Variants in ALK observed in about 807,000 individuals in gnomAD.
ALK encodes the protein ALK receptor tyrosine kinase.
ALK carries 74 observed loss-of-function variants against 163.1 expected under a neutral mutation model. The ratio of observed to expected loss-of-function variants is 0.45; its 90% CI spans 0.38 to 0.55. ALK has a LOEUF of 0.55. Ranked by LOEUF, ALK falls within the 20% of genes least tolerant of loss-of-function variation. The pLI, the probability that ALK is intolerant of heterozygous loss-of-function variation, is 0.00. For synonymous variants in ALK, 960 were observed against 843.2 expected (o/e 1.14, Z -2.40); for missense variants, 2,063 against 2,105.3 (o/e 0.98, Z 0.39).
intron 4 of ALK, among the ~76,000 whole-genome samples, chr2:29,503,008 G>T (rs980086063): frequency 6.6e-6 from 1 of 152,164 alleles, no homozygotes; most frequent in Non-Finnish European, 1.5e-5. Context: ...TGCAGGGTGG[G>T]CAACTAACTA....
At position 29,404,290 on chromosome 2, in the gene ALK, G is replaced by A. The variant is rs185675025; in HGVS notation, c.1155-20431C>T. 2.9e-4 allele frequency among the ~76,000 whole-genome samples: 39 copies of A among 135,578 alleles called. No individual in the cohort carries two copies. The East Asian group carries it at 7.0e-3, about 24-fold the overall frequency. 88.9% of individuals were successfully genotyped at this position (135,578 alleles called of 152,430 possible). ...CTGAACTCCAGCCTGCGTGACCCAC[G>A]GAGCAAGACTCCGTCTCAAAAAAAA... On this transcript the variant is annotated intron_variant, in intron 4 of 28. Coordinates refer to ENST00000389048, the MANE Select transcript of ALK (RefSeq NM_004304.5).
chr2:29,892,181 G>A (rs989968481), intron 1 of ALK: 2 of 152,142 alleles, frequency 1.3e-5, no homozygotes, highest in Non-Finnish European at 2.9e-5. Context: ...GGGCAATGTG[G>A]CAGTTTCAAG....
At chr2:29,277,061 G>A (rs368281669) in intron 9 of ALK, among the ~76,000 whole-genome samples, 10 of 152,322 alleles carry the variant, frequency 6.6e-5, no homozygotes, top group African/African-American at 2.4e-4. Flanking sequence ...CAGGGCATTG[G>A]CCACATAGGG....
At chr2:29,408,913 G>A (rs1669659993) in intron 4 of ALK, among the ~76,000 whole-genome samples, 1 of 152,144 alleles carries the variant, frequency 6.6e-6, no homozygotes, top group South Asian at 2.1e-4. Context: ...ATTTTTCCTT[G>A]GAATGCAATT....
chr2:29,644,242 C>T (rs981991791), intron 3 of ALK, among the ~76,000 whole-genome samples: 6 of 107,422 alleles, frequency 5.6e-5, no homozygotes, highest in African/African-American at 2.3e-4. Flanking sequence ...ACACTGGGGC[C>T]TGTTGCGGGG....
chr2:29,776,515 T>C (rs944019969), intron 1 of ALK, among the ~76,000 whole-genome samples: 1 of 152,214 alleles, frequency 6.6e-6, no homozygotes, highest in Non-Finnish European at 1.5e-5. Flanking sequence ...AATTTGTCCC[T>C]CTCGCTCATG....
intron 1 of ALK, among the ~76,000 whole-genome samples, chr2:29,758,005 CTTTTT>C (rs1213067837): frequency 9.5e-6 from 1 of 104,970 alleles, no homozygotes; most frequent in Non-Finnish European, 1.8e-5. Flanking sequence ...CCCGCATCCT[CTTTTT>C]TTTTTTTTTT....
At chr2:29,414,177 T>C (rs541227195) in intron 4 of ALK, among the ~76,000 whole-genome samples, 1 of 152,344 alleles carries the variant, frequency 6.6e-6, no homozygotes, top group Admixed American at 6.5e-5. Flanking sequence ...CAATGGTTGA[T>C]AGGTGGTCTG....
chr2:29,473,360 G>A (rs143448211), intron 4 of ALK, among the ~76,000 whole-genome samples: 1 of 152,228 alleles, frequency 6.6e-6, no homozygotes, highest in East Asian at 1.9e-4. Context: ...AAAGTTTCTA[G>A]AAGATGACAT....
intron 1 of ALK, among the ~76,000 whole-genome samples, chr2:29,746,743 C>T (rs1253867740): frequency 6.6e-6 from 1 of 152,172 alleles, no homozygotes; most frequent in Non-Finnish European, 1.5e-5. Flanking sequence ...TTCTTAGGTG[C>T]TACCTTTGAG....
intron 4 of ALK, among the ~76,000 whole-genome samples, chr2:29,436,170 T>G (rs940856842): frequency 7.9e-5 from 12 of 152,210 alleles, no homozygotes; most frequent in Non-Finnish European, 1.5e-4. Flanking sequence ...GAGTCTCTAC[T>G]ACTTGGCATT....
intron 1 of ALK, among the ~76,000 whole-genome samples, chr2:29,788,131 C>A (rs1308489858): frequency 6.6e-6 from 1 of 152,210 alleles, no homozygotes; most frequent in African/African-American, 2.4e-5. Flanking sequence ...TCTATAAGGA[C>A]AACAAACGAA....
At chr2:29,636,569 C>G (rs1181479003) in intron 3 of ALK, among the ~76,000 whole-genome samples, 1 of 152,004 alleles carries the variant, frequency 6.6e-6, no homozygotes, top group Non-Finnish European at 1.5e-5. Context: ...CCAAAAAACA[C>G]TATCTATAAA....
chr2:29,217,049 GGT>G (rs1374522270), intron 23 of ALK, among the ~76,000 whole-genome samples: 3 of 147,538 alleles, frequency 2.0e-5, no homozygotes, highest in African/African-American at 2.5e-5. Flanking sequence ...GCATGTGTGT[GGT>G]GTGTGTTGTA....
chr2:29,920,913 G>C lies in ALK; in HGVS notation c.-254C>G, dbSNP rs1017041937. On this transcript the variant is annotated 5_prime_UTR_variant, in exon 1 of 29. Transcript: ENST00000389048. ...TCAAGCACACTGGGCTCACTGGCTGGGACCTTGAGCCTCCCGCTCTCCGCG... is the reference window on the plus strand; with the variant it reads ...TCAAGCACACTGGGCTCACTGGCTGCGACCTTGAGCCTCCCGCTCTCCGCG... The C allele has an allele frequency of 1.1e-4, 60 of 539,130 alleles. No individual in the cohort carries two copies. Among genetic ancestry groups the C allele is most frequent in the Non-Finnish European group, 1.8e-4 (55 of 302,880 alleles). The allele number at this position is 539,130 out of a possible 1,614,324, so 33.4% of individuals were successfully genotyped here. A position where few individuals can be genotyped will look rare whatever the true frequency, so the allele number is the denominator to read the frequency against.
intron 3 of ALK, among the ~76,000 whole-genome samples, chr2:29,657,700 C>A (rs6715848): frequency 0.028 from 4,256 of 151,948 alleles, 171 homozygotes; most frequent in African/African-American, 0.088. Context: ...GACAGAAACT[C>A]CTCCAAGAAA....
intron 11 of ALK, among the ~76,000 whole-genome samples, chr2:29,262,868 C>T (rs545758302): frequency 1.3e-5 from 2 of 152,252 alleles, no homozygotes; most frequent in African/African-American, 2.4e-5. Flanking sequence ...GTATTGTGTT[C>T]GCAGCCACCC....
intron 9 of ALK, among the ~76,000 whole-genome samples, chr2:29,292,174 T>C (rs1011464452): frequency 6.6e-6 from 1 of 152,244 alleles, no homozygotes; most frequent in East Asian, 1.9e-4. Flanking sequence ...TTTATAATGA[T>C]AGTGCTGAGG....
intron 15 of ALK, among the ~76,000 whole-genome samples, chr2:29,229,366 G>C (rs949258973): frequency 1.3e-5 from 2 of 152,196 alleles, no homozygotes; most frequent in African/African-American, 4.8e-5. Context: ...GTTAAGGATG[G>C]GGGGACGTGG....
Sources: gnomAD v4.1 joint callset for allele counts (sites outside exome capture counted in the v4.1 genomes callset) on GRCh38, gnomAD v4.1.1 for gene constraint, MANE v1.5 for transcripts, NCBI Gene and HGNC (gene_info 2026-07-23, HGNC 2026-07-21) for gene names.